GALM: variants seen among roughly 807,000 people sequenced by gnomAD.
GALM encodes galactose mutarotase.
Under a neutral mutation model 37.4 loss-of-function variants are expected in GALM, and 43 were observed. The ratio of observed to expected loss-of-function variants is 1.15; its 90% CI spans 0.90 to 1.48. The LOEUF (loss-of-function observed/expected upper bound fraction) is 1.48, where lower values mean the gene tolerates loss of function less well. GALM is among the 40% of genes most tolerant of loss of function. GALM has a pLI of 0.00. For missense variants in GALM, 456 were observed against 419.1 expected, an observed-to-expected ratio of 1.09 and a Z score of -0.77; for synonymous variants, 199 against 170.6, an observed-to-expected ratio of 1.17 and a Z score of -1.30.
At position 38,675,981 on chromosome 2, in the gene GALM, C is replaced by A. The variant is rs779778477; in HGVS notation, c.260C>A (p.Thr87Asn). Reference protein sequence around the residue: ...GRVANRIAKGTFKVDGKEYHL... With the variant: ...GRVANRIAKGNFKVDGKEYHL... The stretch of plus-strand genomic sequence containing the variant: ...GTGGCCAACCGAATCGCCAAAGGAA[C>A]CTTCAAGGTGGATGGGAAGGAGTAT... Residue 87 changes from threonine (T) to asparagine (N), a missense_variant, in exon 2 of 7, where the codon ACC becomes AAC. Physicochemically the swap from Thr to Asn is moderately conservative, Grantham distance 65. Transcript: ENST00000272252. The A allele has an allele frequency of 6.2e-6, 10 of 1,613,888 alleles. No homozygotes were observed. The African/African-American group carries it at 8.0e-5, about 13-fold the overall frequency.
At chr2:38,689,131 A>G (rs376347982) in intron 3 of GALM, among the ~76,000 whole-genome samples, 71 of 152,280 alleles carry the variant, frequency 4.7e-4, no homozygotes, top group Admixed American at 1.0e-3. Context: ...CATTAGCCCA[A>G]TTTTAAACCA....
chr2:38,673,832 CA>C (rs143330964), intron 1 of GALM, among the ~76,000 whole-genome samples: 2 of 144,694 alleles, frequency 1.4e-5, no homozygotes, highest in Non-Finnish European at 1.5e-5. Context: ...AAAGGGAACT[CA>C]AAAAAAAATA....
chr2:38,707,099 A>T (rs1229631991), intron 4 of GALM, among the ~76,000 whole-genome samples: 1 of 129,924 alleles, frequency 7.7e-6, no homozygotes, highest in Non-Finnish European at 1.6e-5. Flanking sequence ...TGAGTAGGGG[A>T]GGAGGGGGAG....
intron 4 of GALM, among the ~76,000 whole-genome samples, chr2:38,711,768 T>TATC (rs1666168927): frequency 2.7e-5 from 1 of 37,572 alleles, no homozygotes; most frequent in Admixed American, 2.3e-4. Context: ...TCACCACCAT[T>TATC]ATCACCATCA....
intron 3 of GALM, 80 bp downstream of exon 3, chr2:38,681,566 T>C: frequency 8.2e-7 from 1 of 1,223,598 alleles, no homozygotes; most frequent in Non-Finnish European, 1.2e-6. Flanking sequence ...CAGAGTAGTG[T>C]GGAATTGCTG....
chr2:38,672,052 A>T (rs1572508905), intron 1 of GALM, among the ~76,000 whole-genome samples: 1 of 151,922 alleles, frequency 6.6e-6, no homozygotes, highest in Non-Finnish European at 1.5e-5. Context: ...CAACAAAAAA[A>T]CCCTATTCCT....
At chr2:38,676,185 C>G in intron 2 of GALM, 119 bp downstream of exon 2, 1 of 991,436 alleles carries the variant, frequency 1.0e-6, no homozygotes, top group South Asian at 1.5e-5. Flanking sequence ...AAAGAGGCCC[C>G]TTCCATGGTT....
intron 4 of GALM, among the ~76,000 whole-genome samples, chr2:38,706,627 T>C (rs1453286672): frequency 2.0e-5 from 3 of 151,304 alleles, no homozygotes; most frequent in Non-Finnish European, 4.4e-5. Flanking sequence ...TTGCAGTGAA[T>C]TGTGATCCAG....
At chr2:38,689,944 C>T (rs1282283381) in intron 4 of GALM, 50 bp downstream of exon 4, 4 of 1,073,858 alleles carry the variant, frequency 3.7e-6, no homozygotes, top group Admixed American at 2.1e-5. Context: ...GATTGGCTCT[C>T]GAGGCCAAGA....
intron 4 of GALM, among the ~76,000 whole-genome samples, chr2:38,726,219 T>G (rs1666482824): frequency 4.9e-5 from 1 of 20,284 alleles, no homozygotes; most frequent in South Asian, 2.3e-3. Context: ...TGCCTTTATT[T>G]TTTTTTTTTT....
intron 4 of GALM, among the ~76,000 whole-genome samples, chr2:38,713,168 G>C (rs1448439703): frequency 6.6e-6 from 1 of 152,100 alleles, no homozygotes; most frequent in Non-Finnish European, 1.5e-5. Context: ...ATTGTCACCG[G>C]AGCCTACCCA....
chr2:38,682,154 C>G, intron 3 of GALM: 1 of 310,508 alleles, frequency 3.2e-6, no homozygotes, highest in Non-Finnish European at 7.0e-6. Context: ...TGGGGGACCA[C>G]TTGAACTGCC....
At chr2:38,677,012 C>G (rs1287917772) in intron 2 of GALM, among the ~76,000 whole-genome samples, 1 of 152,198 alleles carries the variant, frequency 6.6e-6, no homozygotes, top group African/African-American at 2.4e-5. Flanking sequence ...TCAGATTCTC[C>G]CCAGTTCCTC....
At chr2:38,714,339 C>T (rs1435383355) in intron 4 of GALM, among the ~76,000 whole-genome samples, 2 of 151,940 alleles carry the variant, frequency 1.3e-5, no homozygotes, top group African/African-American at 2.4e-5. Flanking sequence ...TTCAGCCTCC[C>T]GATTAGCTGG....
chr2:38,676,820 C>T (rs1341837043), intron 2 of GALM, among the ~76,000 whole-genome samples: 1 of 152,182 alleles, frequency 6.6e-6, no homozygotes, highest in African/African-American at 2.4e-5. Context: ...GTGGGACAAC[C>T]AGGGCTGCCT....
intron 4 of GALM, among the ~76,000 whole-genome samples, chr2:38,712,753 C>A (rs1331998230): frequency 2.6e-5 from 4 of 152,128 alleles, no homozygotes; most frequent in East Asian, 1.9e-4. Context: ...AAAGGAGGAG[C>A]GCAGGACAGC....
At chr2:38,702,807 T>C (rs1558588489) in intron 4 of GALM, among the ~76,000 whole-genome samples, 1 of 150,912 alleles carries the variant, frequency 6.6e-6, no homozygotes. Context: ...ATAGCCAACC[T>C]ATACATCCTA....
intron 6 of GALM, among the ~76,000 whole-genome samples, chr2:38,733,227 A>G (rs1666642150): frequency 6.6e-6 from 1 of 151,858 alleles, no homozygotes; most frequent in Admixed American, 6.6e-5. Context: ...TCTCAAAAAA[A>G]AAAAAAAAAA....
chr2:38,707,261 C>T (rs1666051521), intron 4 of GALM, among the ~76,000 whole-genome samples: 1 of 152,098 alleles, frequency 6.6e-6, no homozygotes, highest in South Asian at 2.1e-4. Flanking sequence ...CAGCTGGAGG[C>T]ATACATCAGC....
Sources: gnomAD v4.1 joint callset for allele counts (sites outside exome capture counted in the v4.1 genomes callset) on GRCh38, gnomAD v4.1.1 for gene constraint, MANE v1.5 for transcripts, NCBI Gene and HGNC (gene_info 2026-07-23, HGNC 2026-07-21) for gene names.